LRBA: variants seen among roughly 807,000 people sequenced by gnomAD.
LRBA encodes the protein LPS responsive beige-like anchor protein.
LRBA carries 176 observed loss-of-function variants against 330.0 expected under a neutral mutation model. That is an observed-to-expected ratio of 0.53 (90% CI 0.47 to 0.60). LRBA has a LOEUF of 0.60. Ranked by LOEUF, LRBA falls within the 20% of genes least tolerant of loss-of-function variation. The pLI, the probability that LRBA is intolerant of heterozygous loss-of-function variation, is 0.00. For synonymous variants in LRBA, 1,230 were observed against 1,193.0 expected (o/e 1.03, Z -0.64); for missense variants, 3,259 against 3,444.8 (o/e 0.95, Z 1.35).
intron 15 of LRBA, 27 bp from the exon 16 acceptor site, chr4:150,896,483 A>G: frequency 2.5e-6 from 3 of 1,199,998 alleles, no homozygotes; most frequent in Non-Finnish European, 3.6e-6. Flanking sequence ...CAGGTATCTT[A>G]CGTTTACATG....
At chr4:150,504,838 A>G (rs1022873162) in intron 40 of LRBA, among the ~76,000 whole-genome samples, 7 of 152,218 alleles carry the variant, frequency 4.6e-5, no homozygotes, top group East Asian at 1.9e-4. Flanking sequence ...CCCATCTCAC[A>G]TGCAGAGACA....
intron 47 of LRBA, among the ~76,000 whole-genome samples, chr4:150,394,351 G>C (rs977062137): frequency 5.9e-5 from 9 of 152,122 alleles, no homozygotes; most frequent in African/African-American, 2.2e-4. Context: ...TAAAATTACA[G>C]AGGCAGTTGA....
At chr4:150,368,180 A>T (rs1739751320) in intron 47 of LRBA, among the ~76,000 whole-genome samples, 1 of 152,144 alleles carries the variant, frequency 6.6e-6, no homozygotes, top group Non-Finnish European at 1.5e-5. Flanking sequence ...CCGAGATTTC[A>T]GTGCTCACTT....
At chr4:150,812,647 G>A (rs1743914723) in intron 31 of LRBA, among the ~76,000 whole-genome samples, 1 of 152,092 alleles carries the variant, frequency 6.6e-6, no homozygotes, top group South Asian at 2.1e-4. Flanking sequence ...AGCAAAGATG[G>A]TTATGACTCA....
Position 150,321,086 on chromosome 4 carries a change from A to C in LRBA, c.7630+105T>G, listed in dbSNP as rs758680220. The C allele has an allele frequency of 1.0e-4, 111 of 1,077,548 alleles. No homozygotes were observed. The highest frequency in any genetic ancestry group is 1.4e-4 in the Non-Finnish European group (107 of 748,122). The allele number at this position is 1,077,548 out of a possible 1,614,324, so 66.7% of individuals were successfully genotyped here. A position where few individuals can be genotyped will look rare whatever the true frequency, so the allele number is the denominator to read the frequency against. ...CTATTAAACAATTTGATTCAGACTAATGCTTGAAAATTAAAAGCTTAAATG... is the reference window on the plus strand; with the variant it reads ...CTATTAAACAATTTGATTCAGACTACTGCTTGAAAATTAAAAGCTTAAATG... On this transcript the variant is annotated intron_variant, in intron 50 of 56. Coordinates refer to ENST00000651943, the MANE Select transcript of LRBA (RefSeq NM_001364905.1). This position sits in a 1 kb window ranked among gnomAD's most constrained non-coding sequence, Gnocchi z 4.5.
rs141515585 is a variant in LRBA at position 150,503,313 on chromosome 4, G to T, written c.6331-12278C>A. On this transcript the variant is annotated intron_variant, in intron 40 of 56. Transcript: ENST00000651943. The stretch of plus-strand genomic sequence containing the variant: ...CTGGGAGGCACCCCCCAGTAGGGGC[G>T]GACTGACACCTCACACGGCCGGGTA... Among the ~76,000 whole-genome samples the T allele has an allele frequency of 2.0e-5, 3 of 152,190 alleles. No individual in the cohort carries two copies. In the South Asian group the frequency reaches 6.2e-4, roughly 32 times the overall value.
intron 26 of LRBA, among the ~76,000 whole-genome samples, chr4:150,845,381 A>C (rs983536547): frequency 6.6e-6 from 1 of 152,208 alleles, no homozygotes; most frequent in Non-Finnish European, 1.5e-5. Context: ...AATGGGAGAC[A>C]GGAAAGGGAA....
chr4:150,990,631 G>T (rs1187857047), intron 2 of LRBA, among the ~76,000 whole-genome samples: 1 of 152,192 alleles, frequency 6.6e-6, no homozygotes, highest in Non-Finnish European at 1.5e-5. Flanking sequence ...AGCTACTTGG[G>T]AGGCTGAGGT....
At chr4:150,800,734 G>A (rs1741491606) in intron 33 of LRBA, among the ~76,000 whole-genome samples, 1 of 152,150 alleles carries the variant, frequency 6.6e-6, no homozygotes, top group Admixed American at 6.5e-5. Flanking sequence ...ATTTGAACCA[G>A]CTCACAATCT....
At chr4:150,695,467 C>A (rs1295845575) in intron 36 of LRBA, among the ~76,000 whole-genome samples, 1 of 152,162 alleles carries the variant, frequency 6.6e-6, no homozygotes. Context: ...GGACTACATG[C>A]ACACATCACC....
intron 40 of LRBA, among the ~76,000 whole-genome samples, chr4:150,520,203 T>C (rs1432291951): frequency 6.6e-6 from 1 of 152,174 alleles, no homozygotes; most frequent in Non-Finnish European, 1.5e-5. Flanking sequence ...GGTAAATGGG[T>C]CTTGAAAAGA....
At chr4:150,760,369 C>G (rs1337504398) in intron 35 of LRBA, among the ~76,000 whole-genome samples, 1 of 152,072 alleles carries the variant, frequency 6.6e-6, no homozygotes, top group Admixed American at 6.6e-5. Context: ...TCATATAGAT[C>G]ACTGTAGTAA....
intron 40 of LRBA, among the ~76,000 whole-genome samples, chr4:150,585,203 A>G (rs1403639111): frequency 6.6e-6 from 1 of 152,078 alleles, no homozygotes; most frequent in African/African-American, 2.4e-5. Context: ...TAAATAAACC[A>G]CAACAAAAAA....
intron 53 of LRBA, among the ~76,000 whole-genome samples, chr4:150,287,569 A>G (rs1748293840): frequency 6.6e-6 from 1 of 152,236 alleles, no homozygotes; most frequent in South Asian, 2.1e-4. Context: ...ACCAGAGTAC[A>G]TAATGCACGG....
chr4:150,999,426 T>C (rs1353553954), intron 2 of LRBA, among the ~76,000 whole-genome samples: 2 of 151,988 alleles, frequency 1.3e-5, no homozygotes, highest in South Asian at 2.1e-4. Context: ...GGGCTGCTGA[T>C]TTCCTTTTTT....
intron 30 of LRBA, 79 bp from the exon 31 acceptor site, chr4:150,817,336 T>C: frequency 1.6e-6 from 2 of 1,279,854 alleles, no homozygotes; most frequent in Non-Finnish European, 1.1e-6. Flanking sequence ...AAACAGAAAC[T>C]AGGTAGCTAA....
chr4:150,900,561 T>C (rs1026825381), intron 13 of LRBA, among the ~76,000 whole-genome samples: 3 of 152,228 alleles, frequency 2.0e-5, no homozygotes, highest in Admixed American at 6.5e-5. Flanking sequence ...TTATTACTTA[T>C]GCTATCTATG....
At chr4:150,972,914 GA>G (rs1317478207) in intron 2 of LRBA, among the ~76,000 whole-genome samples, 31 of 152,128 alleles carry the variant, frequency 2.0e-4, no homozygotes, top group Non-Finnish European at 4.1e-4. Flanking sequence ...TTAATAGTCA[GA>G]TCAAGTATCT....
At chr4:150,489,131 A>ATATATAATATATAATATATGAC (rs1348273929) in intron 41 of LRBA, among the ~76,000 whole-genome samples, 4 of 99,440 alleles carry the variant, frequency 4.0e-5, no homozygotes, top group African/African-American at 1.2e-4. Flanking sequence ...ATATATAAGA[A>ATATATAATATATAATATATGAC]TATATAATAT....
Sources: allele counts gnomAD v4.1 joint callset (sites outside exome capture counted in the v4.1 genomes callset), GRCh38; gene constraint gnomAD v4.1.1; non-coding constraint Gnocchi (gnomAD v3.1); transcripts MANE v1.5; gene names NCBI Gene and HGNC (gene_info 2026-07-23, HGNC 2026-07-21).